ZNF469: variants seen among roughly 807,000 people sequenced by gnomAD.
The protein encoded by ZNF469 is zinc finger protein 469.
ZNF469 carries 1 observed loss-of-function variant against 1.0 expected under a neutral mutation model. The observed-to-expected ratio is 1.00, with a 90% confidence interval of 0.35 to 4.73. The LOEUF (loss-of-function observed/expected upper bound fraction) is 4.73, where lower values mean the gene tolerates loss of function less well. ZNF469 is among the 30% of genes most tolerant of loss of function. The pLI, the probability that ZNF469 is intolerant of heterozygous loss-of-function variation, is 0.16. For synonymous variants in ZNF469, 2,703 were observed against 2,363.4 expected (o/e 1.14, Z -4.17); for missense variants, 6,100 against 5,356.3 (o/e 1.14, Z -4.33).
the ZNF469 span, among the ~76,000 whole-genome samples, chr16:88,265,762 C>T: frequency 2.0e-5 from 3 of 152,212 alleles, no homozygotes; most frequent in Middle Eastern, 3.2e-3. Flanking sequence ...CCTCGGGAGG[C>T]GGCGCGTCTC....
chr16:88,290,135 G>A, the ZNF469 span, among the ~76,000 whole-genome samples: 27 of 152,364 alleles, frequency 1.8e-4, no homozygotes, highest in African/African-American at 6.3e-4. Context: ...GAGGCACTTA[G>A]AGTGCCGGGA....
chr16:88,105,563 C>A, the ZNF469 span, among the ~76,000 whole-genome samples: 1 of 152,172 alleles, frequency 6.6e-6, no homozygotes, highest in African/African-American at 2.4e-5. Context: ...CCTCGGCCTC[C>A]CAAAGTGCTG....
chr16:88,237,478 C>T, the ZNF469 span, among the ~76,000 whole-genome samples: 2 of 118,236 alleles, frequency 1.7e-5, no homozygotes, highest in Admixed American at 7.8e-5. Context: ...CCCTGCCCTC[C>T]GTGCTCCTGC....
chr16:88,230,341 G>C, the ZNF469 span, among the ~76,000 whole-genome samples: 7 of 152,196 alleles, frequency 4.6e-5, no homozygotes, highest in African/African-American at 1.7e-4. Context: ...CTCTGGGCCT[G>C]GGCCCCCAGA....
chr16:88,425,547 CCT>C lies in ZNF469; in HGVS notation c.-127+677_-127+678del. 1.3e-5 allele frequency among the ~76,000 whole-genome samples: 2 copies of C among 152,302 alleles called. 1 individual carries two copies. The highest frequency in any genetic ancestry group is 6.8e-3 in the Middle Eastern group (2 of 294). The stretch of plus-strand genomic sequence containing the variant: ...AGGACCTCGCCTACACTGGCTGAGG[CCT>C]TGAGCGGGTTCCCCACCTCTCTGTG... On this transcript the variant is annotated intron_variant, in intron 2 of 2. Transcript: ENST00000565624.
At chr16:88,345,164 C>A in the ZNF469 span, among the ~76,000 whole-genome samples, 1,025 of 152,312 alleles carry the variant, frequency 6.7e-3, 14 homozygotes, top group African/African-American at 0.024. Flanking sequence ...GTCCAGCCAG[C>A]CCCCTCCCGG....
chr16:88,179,992 G>A, the ZNF469 span, among the ~76,000 whole-genome samples: 3 of 152,134 alleles, frequency 2.0e-5, no homozygotes, highest in Non-Finnish European at 4.4e-5. Context: ...CTGCAACCAT[G>A]AACAGCTACA....
the ZNF469 span, among the ~76,000 whole-genome samples, chr16:88,168,123 A>C: frequency 1.3e-5 from 2 of 152,218 alleles, no homozygotes; most frequent in African/African-American, 4.8e-5. The surrounding 1 kb of genome is among the most constrained non-coding windows in gnomAD (Gnocchi z 4.3). Flanking sequence ...GCTAATTGGC[A>C]CCGGGGTAGC....
rs1906100550 is a variant in ZNF469, at chr16:88,430,698, G to A, written c.3228G>A (p.Ala1076=). The A allele has an allele frequency of 2.0e-6, 3 of 1,482,280 alleles. No homozygotes were observed. The highest frequency in any genetic ancestry group is 2.3e-5 in the Admixed American group (1 of 42,660). The allele number at this position is 1,482,280 out of a possible 1,614,324, so 91.8% of individuals were successfully genotyped here. A position where few individuals can be genotyped will look rare whatever the true frequency, so the allele number is the denominator to read the frequency against. ...GGGCGGGCAGGTGCGGCTCCCTGGC[G>A]GCGGGGAGGCCCCGGCCCGGAGCTG... ...GRRAGRCGSL[A]AGRPRPGAED... is the part of the protein sequence containing the mutation. Residue 1076 remains alanine, a synonymous_variant, in exon 3 of 3, where the codon GCG becomes GCA. Coordinates refer to ENST00000565624, the MANE Select transcript of ZNF469 (RefSeq NM_001367624.2).
At chr16:88,386,729 C>T (rs2092537491) in intron 1 of ZNF469, among the ~76,000 whole-genome samples, 1 of 152,212 alleles carries the variant, frequency 6.6e-6, no homozygotes, top group Non-Finnish European at 1.5e-5. Context: ...TCCCAGGCCT[C>T]TCAACTGAAC....
chr16:88,148,107 G>C, the ZNF469 span, among the ~76,000 whole-genome samples: 22 of 152,192 alleles, frequency 1.4e-4, no homozygotes, highest in African/African-American at 5.1e-4. Flanking sequence ...TCGTCGTTGT[G>C]TGTACGCCAG....
chr16:88,183,193 G>A, the ZNF469 span, among the ~76,000 whole-genome samples: 13 of 152,352 alleles, frequency 8.5e-5, no homozygotes, highest in South Asian at 4.2e-4. Context: ...AAAATGCCGC[G>A]CGCCTGGAGT....
In ZNF469 at chr16:88,435,569, C is replaced by T. The variant is rs2142311936; in HGVS notation, c.8099C>T (p.Pro2700Leu). The T allele has an allele frequency of 6.5e-7, 1 of 1,549,996 alleles. No individual in the cohort carries two copies. The highest frequency in any genetic ancestry group is 1.4e-5 in the African/African-American group (1 of 73,160). ...EQPPRLATLG[P>L]GVMEGAAETD... ...CCGCCTCGCTTGGCCACTCTGGGAC[C>T]TGGGGTGATGGAGGGTGCAGCGGAG... The change falls in exon 3 of 3, where the codon CCT becomes CTT. Residue 2700 changes from proline (P) to leucine (L), a missense_variant. Transcript: ENST00000565624.
At chr16:88,398,803 C>A (rs528552627) in intron 1 of ZNF469, among the ~76,000 whole-genome samples, 1 of 152,076 alleles carries the variant, frequency 6.6e-6, no homozygotes, top group Non-Finnish European at 1.5e-5. Context: ...CCAGGGCATC[C>A]GGGCTGGGAT....
At chr16:88,235,653 G>T in the ZNF469 span, among the ~76,000 whole-genome samples, 2 of 152,346 alleles carry the variant, frequency 1.3e-5, no homozygotes, top group Non-Finnish European at 2.9e-5. Flanking sequence ...ACGTTTCAAG[G>T]AATTCAGTAT....
rs1301328763 is a variant in ZNF469 at position 88,431,012 on chromosome 16, G to A, written c.3542G>A (p.Gly1181Glu). The A allele has an allele frequency of 6.5e-7, 1 of 1,543,560 alleles. No individual in the cohort carries two copies. The highest frequency in any genetic ancestry group is 8.7e-7 in the Non-Finnish European group (1 of 1,146,588). ...ARGPSRSLET[G>E]AAAREGGPKC... ...GGCCCGTCTCGAAGCCTGGAGACGG[G>A]AGCGGCCGCCAGGGAGGGAGGCCCC... Residue 1181 changes from glycine (G) to glutamate (E), a missense_variant, in exon 3 of 3, where the codon GGA becomes GAA. Physicochemically the swap from Gly to Glu is moderately conservative, Grantham distance 98. Coordinates refer to ENST00000565624, the MANE Select transcript of ZNF469 (RefSeq NM_001367624.2).
intron 1 of ZNF469, among the ~76,000 whole-genome samples, chr16:88,403,711 A>T (rs1230029264): frequency 2.0e-5 from 3 of 152,212 alleles, no homozygotes; most frequent in Non-Finnish European, 4.4e-5. Context: ...CAATTGTTAC[A>T]AACTTATAAC....
the ZNF469 span, among the ~76,000 whole-genome samples, chr16:88,246,266 C>T: frequency 6.6e-6 from 1 of 152,228 alleles, no homozygotes. Context: ...TTATTCATCC[C>T]TTCTGTATTT....
At chr16:88,401,599 ATGGATAGTTGGG>A (rs1904863814) in intron 1 of ZNF469, among the ~76,000 whole-genome samples, 1 of 132,598 alleles carries the variant, frequency 7.5e-6, no homozygotes, top group African/African-American at 2.8e-5. Flanking sequence ...AGGTAGATGG[ATGGATAGTTGGG>A]TGAGTGGATG....
Sources: allele counts gnomAD v4.1 joint callset (sites outside exome capture counted in the v4.1 genomes callset), GRCh38; gene constraint gnomAD v4.1.1; non-coding constraint Gnocchi (gnomAD v3.1); transcripts MANE v1.5; gene names NCBI Gene and HGNC (gene_info 2026-07-23, HGNC 2026-07-21).